The following SHCBP1 variants were observed in gnomAD, a reference collection of about 807,000 sequenced individuals.
SHCBP1 encodes the protein SHC SH2 domain-binding protein 1.
A neutral mutation model predicts 75.1 loss-of-function variants in SHCBP1; 60 were observed. The observed-to-expected ratio is 0.80, with a 90% confidence interval of 0.65 to 0.99. SHCBP1 has a LOEUF of 0.99. Among genes scored for constraint, SHCBP1 ranks in the 50% least tolerant of loss-of-function variants. The probability of loss-of-function intolerance (pLI) is 0.00; values close to 1 mark genes in which losing one functional copy is unlikely to be tolerated. For missense variants in SHCBP1, 709 were observed against 809.4 expected, an observed-to-expected ratio of 0.88 and a Z score of 1.50; for synonymous variants, 290 against 293.2, an observed-to-expected ratio of 0.99 and a Z score of 0.11.
At position 46,599,969 on chromosome 16, in the gene SHCBP1, AAG is replaced by A; in HGVS notation, c.1214-9_1214-8del. The A allele has an allele frequency of 6.2e-7, 1 of 1,612,516 alleles. No individual in the cohort carries two copies. The highest frequency in any genetic ancestry group is 8.5e-7 in the Non-Finnish European group (1 of 1,179,504). On this transcript the variant is annotated splice_polypyrimidine_tract_variant and splice_region_variant and intron_variant, in intron 8 of 12. Coordinates refer to ENST00000303383, the MANE Select transcript of SHCBP1 (RefSeq NM_024745.5). ...TCATCTGGTAGGCCATATCCTAAGG[AAG>A]AGAGAGCAACAACACTCAAGATGGG...
At chr16:46,591,747 T>A (rs183518076) in intron 10 of SHCBP1, among the ~76,000 whole-genome samples, 257 of 152,046 alleles carry the variant, frequency 1.7e-3, no homozygotes, top group Non-Finnish European at 2.7e-3. Flanking sequence ...ATAGACCATA[T>A]CCTGAGCCAT....
chr16:46,612,241 C>G (rs1965426997), intron 4 of SHCBP1, among the ~76,000 whole-genome samples: 1 of 152,186 alleles, frequency 6.6e-6, no homozygotes. Flanking sequence ...AGGATGAGAT[C>G]AGTGAAACGT....
At chr16:46,583,423 T>C in intron 12 of SHCBP1, 93 bp downstream of exon 12, 2 of 1,353,648 alleles carry the variant, frequency 1.5e-6, no homozygotes, top group South Asian at 3.0e-5. Context: ...AACAACCTTT[T>C]TTAAGGAAGA....
chr16:46,581,688 T>C lies in SHCBP1; in HGVS notation c.*41A>G. On this transcript the variant is annotated 3_prime_UTR_variant, in exon 13 of 13. Transcript: ENST00000303383. ...CAGCAGTGATTCTTAGGGCAGCATG[T>C]GCAAAATCCAGTATTTTGCTATCTA... is the stretch of plus-strand genomic sequence containing the variant. The C allele has an allele frequency of 4.6e-6, 7 of 1,535,806 alleles. No individual in the cohort carries two copies. In the Middle Eastern group the frequency reaches 1.0e-3, roughly 226 times the overall value.
At position 46,604,258 on chromosome 16, in the gene SHCBP1, T is replaced by C. The variant is rs1030134493; in HGVS notation, c.893A>G (p.Lys298Arg). 4.3e-6 allele frequency: 7 copies of C among 1,614,132 alleles called. No individual in the cohort carries two copies. The highest frequency in any genetic ancestry group is 5.9e-6 in the Non-Finnish European group (7 of 1,180,052). Reference protein sequence around the residue: ...LYSEMEQLKQKLKLIENPLLR... With the variant: ...LYSEMEQLKQRLKLIENPLLR... The stretch of plus-strand genomic sequence containing the variant: ...CAAAGGATTCTCAATGAGTTTCAGC[T>C]TTTGTTTCAACTGTTCCATCTCCGA... Residue 298 changes from lysine to arginine, a missense_variant, in exon 6 of 13, where the codon AAG becomes AGG. Lys to Arg is a conservative substitution (Grantham distance 26, BLOSUM62 2). Coordinates refer to ENST00000303383, the MANE Select transcript of SHCBP1 (RefSeq NM_024745.5).
chr16:46,603,454 C>A (rs1596681488), intron 8 of SHCBP1, 85 bp downstream of exon 8: 3 of 1,570,392 alleles, frequency 1.9e-6, no homozygotes, highest in African/African-American at 2.7e-5. Flanking sequence ...AAATCACATT[C>A]TTGGAGTTTC....
intron 4 of SHCBP1, among the ~76,000 whole-genome samples, chr16:46,609,359 G>A (rs1243303642): frequency 1.3e-5 from 2 of 150,644 alleles, no homozygotes; most frequent in African/African-American, 4.9e-5. Flanking sequence ...AGAACAATTA[G>A]TTCCCTCTCC....
intron 10 of SHCBP1, among the ~76,000 whole-genome samples, chr16:46,585,537 C>T (rs1964943778): frequency 6.6e-6 from 1 of 152,174 alleles, no homozygotes; most frequent in Admixed American, 6.5e-5. Context: ...AAAAGCTGCT[C>T]TAACGAAAGG....
intron 5 of SHCBP1, among the ~76,000 whole-genome samples, chr16:46,606,151 CAT>C (rs1227762686): frequency 1.3e-5 from 2 of 152,120 alleles, no homozygotes; most frequent in Non-Finnish European, 2.9e-5. Context: ...ATTGATACTT[CAT>C]AGTCTAAAAG....
At chr16:46,601,507 G>A (rs775382120) in intron 8 of SHCBP1, among the ~76,000 whole-genome samples, 22 of 152,170 alleles carry the variant, frequency 1.4e-4, no homozygotes, top group Non-Finnish European at 1.9e-4. Context: ...GAATCTTTGA[G>A]TAAATGAAAG....
At chr16:46,604,177 A>G in intron 6 of SHCBP1, 34 bp from the exon 7 acceptor site, 2 of 1,613,170 alleles carry the variant, frequency 1.2e-6, no homozygotes, top group Non-Finnish European at 8.5e-7. Context: ...TCAGTAAGAC[A>G]GCAAGTAAGA....
In SHCBP1 at chr16:46,581,663, C is replaced by A; in HGVS notation, c.*66G>T. 11 of 1,366,534 alleles carry A rather than the reference C, an allele frequency of 8.0e-6. No individual in the cohort carries two copies. Among genetic ancestry groups the A allele is most frequent in the Non-Finnish European group, 1.0e-5 (10 of 981,138 alleles). 84.7% of individuals were successfully genotyped at this position (1,366,534 alleles called of 1,614,324 possible). A position where few individuals can be genotyped will look rare whatever the true frequency, so the allele number is the denominator to read the frequency against. Reference sequence around the variant, plus strand: ...CAGACAATACAGCAAACTACAATGGCAGCAGTGATTCTTAGGGCAGCATGT... The same window carrying A: ...CAGACAATACAGCAAACTACAATGGAAGCAGTGATTCTTAGGGCAGCATGT... On this transcript the variant is annotated 3_prime_UTR_variant, in exon 13 of 13. Transcript: ENST00000303383.
chr16:46,582,808 G>A lies in SHCBP1; in HGVS notation c.1693+708C>T, dbSNP rs143029042. On this transcript the variant is annotated intron_variant, in intron 12 of 12. Coordinates refer to ENST00000303383, the MANE Select transcript of SHCBP1 (RefSeq NM_024745.5). ...ATAAAGAACTTGCAGAGATGTAACT[G>A]GAGCAGATCCTGAAGGATGACAAGG... 1.1e-3 allele frequency among the ~76,000 whole-genome samples: 175 copies of A among 152,290 alleles called. 1 individual carries two copies. The Middle Eastern group carries it at 0.034, about 30-fold the overall frequency.
At chr16:46,612,889 T>C (rs1299481791) in intron 4 of SHCBP1, among the ~76,000 whole-genome samples, 2 of 152,188 alleles carry the variant, frequency 1.3e-5, no homozygotes, top group African/African-American at 4.8e-5. Flanking sequence ...CATCTTCTCA[T>C]CTCTGATATC....
chr16:46,613,993 T>A (rs927979877), intron 4 of SHCBP1, among the ~76,000 whole-genome samples: 2 of 152,250 alleles, frequency 1.3e-5, no homozygotes, highest in Non-Finnish European at 2.9e-5. Flanking sequence ...TTCCACGAAC[T>A]TCTATGCCCA....
At chr16:46,608,048 C>T (rs1294832176) in intron 5 of SHCBP1, among the ~76,000 whole-genome samples, 3 of 152,172 alleles carry the variant, frequency 2.0e-5, no homozygotes, top group African/African-American at 7.2e-5. Context: ...TGCTTTTAGA[C>T]TCAATTTATA....
At chr16:46,594,761 G>A (rs550574525) in intron 10 of SHCBP1, among the ~76,000 whole-genome samples, 1 of 151,236 alleles carries the variant, frequency 6.6e-6, no homozygotes, top group Admixed American at 6.6e-5. Context: ...CTTAAAAAAT[G>A]AAAACTGTGT....
chr16:46,586,770 G>A (rs1249110523), intron 10 of SHCBP1, among the ~76,000 whole-genome samples: 1 of 152,112 alleles, frequency 6.6e-6, no homozygotes, highest in Non-Finnish European at 1.5e-5. Context: ...AGAAACCATG[G>A]ACGTCAGATG....
chr16:46,598,589 G>A (rs903587488), intron 9 of SHCBP1, among the ~76,000 whole-genome samples: 1 of 152,128 alleles, frequency 6.6e-6, no homozygotes, highest in African/African-American at 2.4e-5. Flanking sequence ...AGTAGATCTG[G>A]CATAATTCTT....
Sources: allele counts gnomAD v4.1 joint callset (sites outside exome capture counted in the v4.1 genomes callset), GRCh38; gene constraint gnomAD v4.1.1; transcripts MANE v1.5; gene names NCBI Gene and HGNC (gene_info 2026-07-23, HGNC 2026-07-21).